The following ARL17B variants were observed in gnomAD, a reference collection of about 807,000 sequenced individuals.
ARL17B encodes ADP-ribosylation factor-like protein 17.
At chr17:46,276,452 TAA>T (rs960440692) in intron 4 of ARL17B, among the ~76,000 whole-genome samples, 1 of 152,196 alleles carries the variant, frequency 6.6e-6, no homozygotes, top group African/African-American at 2.4e-5. Flanking sequence ...CAAGGTACAA[TAA>T]AACAGTGACC....
chr17:46,277,304 C>T (rs1819122386), intron 4 of ARL17B, among the ~76,000 whole-genome samples: 1 of 152,200 alleles, frequency 6.6e-6, no homozygotes, highest in South Asian at 2.1e-4. Context: ...TTTGTCTTGC[C>T]ACAGGCCCCA....
chr17:46,274,469 T>C (rs773181179), downstream of ARL17B, among the ~76,000 whole-genome samples: 1 of 152,252 alleles, frequency 6.6e-6, no homozygotes, highest in Non-Finnish European at 1.5e-5. Context: ...GTTGTGTGTG[T>C]GTGCACATGT....
intron 4 of ARL17B, among the ~76,000 whole-genome samples, chr17:46,283,053 A>C (rs1189075321): frequency 1.3e-3 from 192 of 152,238 alleles, no homozygotes; most frequent in Non-Finnish European, 2.2e-3. Flanking sequence ...TGGGAGGCAG[A>C]GGTTGTATTG....
At chr17:46,287,948 C>A (rs1446570382) in intron 4 of ARL17B, among the ~76,000 whole-genome samples, 1 of 152,332 alleles carries the variant, frequency 6.6e-6, no homozygotes, top group Non-Finnish European at 1.5e-5. Context: ...AGTGTAGGAA[C>A]ATCATGTCAA....
intron 4 of ARL17B, among the ~76,000 whole-genome samples, chr17:46,279,943 T>C (rs1446474133): frequency 1.3e-5 from 2 of 152,350 alleles, no homozygotes; most frequent in Non-Finnish European, 2.9e-5. Context: ...CTTGCCCTAC[T>C]GACCCTCTGG....
intron 4 of ARL17B, among the ~76,000 whole-genome samples, chr17:46,290,412 C>T (rs879807177): frequency 3.1e-3 from 475 of 151,880 alleles, no homozygotes; most frequent in Non-Finnish European, 5.2e-3. Context: ...AGGCTGTGAG[C>T]CACAACTCTC....
chr17:46,282,447 C>T (rs62071633), intron 4 of ARL17B, among the ~76,000 whole-genome samples: 7,783 of 133,242 alleles, frequency 0.058, 1 homozygote, highest in Non-Finnish European at 0.092. Context: ...CAAGTTCTTG[C>T]TGTGTCACCC....
chr17:46,340,667 C>T lies in ARL17B; in HGVS notation c.260-893G>A, dbSNP rs1418714039. On this transcript the variant is annotated intron_variant, in intron 3 of 3. Coordinates refer to ENST00000450673, the MANE Select transcript of ARL17B (RefSeq NM_001039083.5). Reference sequence around the variant, plus strand: ...AAGTGATTCTCCTGCCTCAGCCTCCCGAATAGCTGGGATTACAGGCACCCA... The same window carrying T: ...AAGTGATTCTCCTGCCTCAGCCTCCTGAATAGCTGGGATTACAGGCACCCA... Among the ~76,000 whole-genome samples the T allele has an allele frequency of 9.3e-5, 7 of 74,962 alleles. No homozygotes were observed. In the East Asian group the frequency reaches 1.2e-3, roughly 13 times the overall value. The allele number at this position is 74,962 out of a possible 152,430, so 49.2% of individuals were successfully genotyped here. A position where few individuals can be genotyped will look rare whatever the true frequency, so the allele number is the denominator to read the frequency against.
At chr17:46,277,538 T>G (rs2732699) in intron 4 of ARL17B, among the ~76,000 whole-genome samples, 1 of 152,158 alleles carries the variant, frequency 6.6e-6, no homozygotes, top group Admixed American at 6.6e-5. Context: ...AATGAGAAGT[T>G]GTGCTCCTCT....
intron 3 of ARL17B, among the ~76,000 whole-genome samples, chr17:46,314,342 CT>C (rs1420259305): frequency 2.1e-5 from 1 of 47,594 alleles, no homozygotes; most frequent in African/African-American, 5.3e-5. Flanking sequence ...GTGTAAGAGT[CT>C]TATCGTTTTG....
chr17:46,274,212 T>C (rs2668618), downstream of ARL17B, among the ~76,000 whole-genome samples: 18,477 of 152,250 alleles, frequency 0.12, no homozygotes, highest in Non-Finnish European at 0.18. Context: ...ACTATCTCCA[T>C]TTATTTTGTT....
rs1482974048 is a variant in ARL17B at position 46,285,299 on chromosome 17, G to C, written c.*22-9881C>G. Among the ~76,000 whole-genome samples the C allele has an allele frequency of 4.1e-5, 6 of 147,314 alleles. No homozygotes were observed. In the East Asian group the frequency reaches 1.2e-3, roughly 30 times the overall value. On this transcript the variant is annotated intron_variant, in intron 4 of 4. Transcript: ENST00000570618. ...ACTGTCACCCGAGCTGGAGTGCCAT[G>C]GCTCGATCTTGGCTCACTGCAACCT...
intron 3 of ARL17B, among the ~76,000 whole-genome samples, chr17:46,316,621 T>A (rs567346144): frequency 5.3e-5 from 4 of 75,518 alleles, no homozygotes; most frequent in African/African-American, 1.4e-4. Context: ...TTGTTTTTTT[T>A]AATTTTTTTT....
chr17:46,291,986 A>G (rs1260923716), intron 4 of ARL17B, among the ~76,000 whole-genome samples: 1 of 68,506 alleles, frequency 1.5e-5, no homozygotes. Context: ...AAAAAAAAAA[A>G]AGCCAATAAA....
intron 3 of ARL17B, among the ~76,000 whole-genome samples, chr17:46,315,950 GTC>G (rs2051077344): frequency 1.5e-5 from 1 of 65,168 alleles, no homozygotes; most frequent in Admixed American, 1.6e-4. Flanking sequence ...TTGGGACAGA[GTC>G]TCACTCTGTT....
chr17:46,280,584 T>C (rs2143346605), intron 4 of ARL17B, among the ~76,000 whole-genome samples: 1 of 147,458 alleles, frequency 6.8e-6, no homozygotes, highest in East Asian at 2.0e-4. Context: ...TTTTTTTTTT[T>C]TTTTTCCTGA....
At chr17:46,282,803 C>T (rs1296617650) in intron 4 of ARL17B, among the ~76,000 whole-genome samples, 7 of 152,320 alleles carry the variant, frequency 4.6e-5, no homozygotes, top group Admixed American at 3.3e-4. Context: ...AGAAAGCACC[C>T]CGTGGCTTTT....
intron 4 of ARL17B, among the ~76,000 whole-genome samples, chr17:46,290,591 T>C (rs1478393596): frequency 1.3e-5 from 2 of 152,014 alleles, no homozygotes; most frequent in Non-Finnish European, 2.9e-5. Flanking sequence ...GGATTACAGG[T>C]GCCTGCCACC....
chr17:46,277,494 C>G (rs1332455017), intron 4 of ARL17B, among the ~76,000 whole-genome samples: 1 of 152,190 alleles, frequency 6.6e-6, no homozygotes, highest in Non-Finnish European at 1.5e-5. Flanking sequence ...GGAATAACCA[C>G]CATGTACAAA....
Sources: gnomAD v4.1 joint callset for allele counts (sites outside exome capture counted in the v4.1 genomes callset) on GRCh38, gnomAD v4.1.1 for gene constraint, MANE v1.5 for transcripts, NCBI Gene and HGNC (gene_info 2026-07-23, HGNC 2026-07-21) for gene names.